SDK1: variants seen among roughly 807,000 people sequenced by gnomAD.
SDK1 encodes sidekick cell adhesion molecule 1, also known as protein sidekick-1.
A neutral mutation model predicts 245.5 loss-of-function variants in SDK1; 157 were observed. That is an observed-to-expected ratio of 0.64 (90% confidence interval 0.56 to 0.73). The LOEUF (loss-of-function observed/expected upper bound fraction) is 0.73, where lower values mean the gene tolerates loss of function less well. SDK1 is among the 30% of genes least tolerant of loss of function. The pLI is 0.00. For missense variants in SDK1, 3,583 were observed against 3,002.3 expected (o/e 1.19, Z -4.52); for synonymous variants, 1,647 against 1,278.5 (o/e 1.29, Z -6.15).
chr7:4,262,712 C>T lies in SDK1; in HGVS notation c.6382-2412C>T, dbSNP rs369507318. Among the ~76,000 whole-genome samples, 4 of 138,412 alleles carry T rather than the reference C, an allele frequency of 2.9e-5. No individual in the cohort carries two copies. In the East Asian group the frequency reaches 9.1e-4, roughly 31 times the overall value. 90.8% of individuals were successfully genotyped at this position (138,412 alleles called of 152,430 possible). A position where few individuals can be genotyped will look rare whatever the true frequency, so the allele number is the denominator to read the frequency against. On this transcript the variant is annotated intron_variant, in intron 44 of 44. Transcript: ENST00000404826. ...CCCAATCCTCTCCCCTCATCACCTC[C>T]CCCATCCCCTCCCTTCTACTTAATC...
intron 5 of SDK1, among the ~76,000 whole-genome samples, chr7:3,908,061 G>A (rs527521034): frequency 1.7e-3 from 261 of 152,238 alleles, no homozygotes; most frequent in Non-Finnish European, 3.3e-3. Context: ...CTTCTCTGCG[G>A]CTTAGCTTTC....
intron 19 of SDK1, among the ~76,000 whole-genome samples, chr7:4,064,181 C>T (rs1779725360): frequency 1.3e-5 from 2 of 152,256 alleles, no homozygotes; most frequent in African/African-American, 2.4e-5. Flanking sequence ...AACTATTCAT[C>T]TGGTAAGGGA....
At chr7:4,004,960 C>G (rs1785349058) in intron 14 of SDK1, among the ~76,000 whole-genome samples, 1 of 151,222 alleles carries the variant, frequency 6.6e-6, no homozygotes, top group Non-Finnish European at 1.5e-5. Flanking sequence ...TGGGCAGAGT[C>G]CATGACAGTT....
chr7:4,034,196 C>G (rs1342904246), intron 17 of SDK1, among the ~76,000 whole-genome samples: 1 of 152,140 alleles, frequency 6.6e-6, no homozygotes, highest in African/African-American at 2.4e-5. Flanking sequence ...CGGCAGCCTC[C>G]AAAAGTGACA....
intron 5 of SDK1, among the ~76,000 whole-genome samples, chr7:3,882,068 G>C (rs1327115144): frequency 1.3e-5 from 2 of 152,172 alleles, no homozygotes; most frequent in Non-Finnish European, 2.9e-5. Flanking sequence ...CGTCTTACCT[G>C]GTGGCAGACA....
At chr7:3,423,946 C>G (rs1445090058) in intron 1 of SDK1, among the ~76,000 whole-genome samples, 3 of 148,620 alleles carry the variant, frequency 2.0e-5, no homozygotes, top group African/African-American at 7.6e-5. Context: ...AGATGAGTCT[C>G]TATTGCCCAG....
chr7:4,016,649 C>G (rs540914756), intron 16 of SDK1, among the ~76,000 whole-genome samples: 4 of 152,274 alleles, frequency 2.6e-5, no homozygotes, highest in African/African-American at 7.2e-5. Context: ...TAGTACTGGA[C>G]TAGTATTTTA....
intron 4 of SDK1, among the ~76,000 whole-genome samples, chr7:3,732,982 C>T (rs190806582): frequency 2.6e-5 from 4 of 152,290 alleles, no homozygotes; most frequent in African/African-American, 9.6e-5. Flanking sequence ...TTGGGAGTTA[C>T]AGGCTTGTGT....
chr7:4,000,308 G>T (rs903280700), intron 14 of SDK1, among the ~76,000 whole-genome samples: 1 of 152,178 alleles, frequency 6.6e-6, no homozygotes, highest in Non-Finnish European at 1.5e-5. Context: ...AGCATGGAAC[G>T]TTCTGGTGCC....
At chr7:3,326,526 A>G (rs1199310170) in intron 1 of SDK1, among the ~76,000 whole-genome samples, 1 of 152,096 alleles carries the variant, frequency 6.6e-6, no homozygotes, top group Non-Finnish European at 1.5e-5. Flanking sequence ...AAATACTTTG[A>G]AGTAGGATTG....
chr7:4,195,593 A>G (rs1340568163), intron 35 of SDK1, among the ~76,000 whole-genome samples: 3 of 152,030 alleles, frequency 2.0e-5, no homozygotes, highest in Admixed American at 2.0e-4. Context: ...CCTTGACCCA[A>G]CTTGTCCAAA....
chr7:3,760,270 C>T (rs144995180), intron 4 of SDK1, among the ~76,000 whole-genome samples: 19 of 152,306 alleles, frequency 1.2e-4, no homozygotes, highest in African/African-American at 3.1e-4. Context: ...GGTTGTCCGT[C>T]ATGGTATTTC....
intron 4 of SDK1, among the ~76,000 whole-genome samples, chr7:3,678,174 T>C (rs1036940476): frequency 1.3e-5 from 2 of 152,204 alleles, no homozygotes; most frequent in African/African-American, 2.4e-5. Context: ...TCCTTGTGCA[T>C]TGCTGGTGGA....
intron 5 of SDK1, among the ~76,000 whole-genome samples, chr7:3,913,529 G>A (rs531954036): frequency 3.9e-5 from 6 of 152,074 alleles, no homozygotes; most frequent in Non-Finnish European, 5.9e-5. Context: ...TCCTGACGTC[G>A]TGATCCACCC....
chr7:3,675,130 C>A (rs183951023), intron 4 of SDK1, among the ~76,000 whole-genome samples: 1 of 152,220 alleles, frequency 6.6e-6, no homozygotes. Flanking sequence ...GATCTCCCTC[C>A]ATGCCCCAAA....
At chr7:3,480,175 A>T (rs930995512) in intron 1 of SDK1, among the ~76,000 whole-genome samples, 6 of 152,226 alleles carry the variant, frequency 3.9e-5, no homozygotes, top group African/African-American at 1.4e-4. Context: ...ACAAGTCCTT[A>T]ATGTGAAAGA....
chr7:3,800,365 A>ATTTG (rs1779076358), intron 4 of SDK1, among the ~76,000 whole-genome samples: 1 of 149,346 alleles, frequency 6.7e-6, no homozygotes, highest in African/African-American at 2.5e-5. Flanking sequence ...TTACTTACTT[A>ATTTG]CTTACTTATT....
chr7:3,800,561 T>C (rs1016976782), intron 4 of SDK1, among the ~76,000 whole-genome samples: 2 of 152,018 alleles, frequency 1.3e-5, no homozygotes, highest in Non-Finnish European at 2.9e-5. Context: ...TTTTGTATTT[T>C]TACTAGAGAC....
At chr7:3,478,713 C>T (rs917402211) in intron 1 of SDK1, among the ~76,000 whole-genome samples, 1 of 151,776 alleles carries the variant, frequency 6.6e-6, no homozygotes, top group African/African-American at 2.4e-5. Flanking sequence ...TTATTATTTC[C>T]TTGATTCTAC....
Sources: gnomAD v4.1 joint callset for allele counts (sites outside exome capture counted in the v4.1 genomes callset) on GRCh38, gnomAD v4.1.1 for gene constraint, MANE v1.5 for transcripts, NCBI Gene and HGNC (gene_info 2026-07-23, HGNC 2026-07-21) for gene names.